NF2: variants seen among roughly 807,000 people sequenced by gnomAD.
NF2 encodes the protein NF2, moesin-ezrin-radixin like (MERLIN) tumor suppressor, also known as merlin.
A neutral mutation model predicts 83.7 loss-of-function variants in NF2; 8 were observed. That is an observed-to-expected ratio of 0.10 (90% CI 0.06 to 0.17). The LOEUF is 0.17. Ranked by LOEUF, NF2 falls within the 10% of genes least tolerant of loss-of-function variation. NF2 has a pLI of 1.00. For missense variants in NF2, 533 were observed against 744.4 expected, an observed-to-expected ratio of 0.72 and a Z score of 3.31; for synonymous variants, 266 against 269.6, an observed-to-expected ratio of 0.99 and a Z score of 0.13.
intron 4 of NF2, among the ~76,000 whole-genome samples, chr22:29,650,620 T>C (rs1306509741): frequency 6.6e-6 from 1 of 151,170 alleles, no homozygotes; most frequent in Non-Finnish European, 1.5e-5. Flanking sequence ...TCCCTTCCCT[T>C]CCCTTCTCTC....
At chr22:29,670,021 A>G (rs1324919797) in intron 10 of NF2, among the ~76,000 whole-genome samples, 1 of 151,962 alleles carries the variant, frequency 6.6e-6, no homozygotes, top group African/African-American at 2.4e-5. Flanking sequence ...TTTTTAATAA[A>G]AGGGTCTTGT....
intron 1 of NF2, among the ~76,000 whole-genome samples, chr22:29,616,520 G>A (rs545423367): frequency 3.3e-4 from 50 of 152,318 alleles, no homozygotes; most frequent in Middle Eastern, 3.4e-3. Flanking sequence ...CGAGGTGGAC[G>A]GATGACGAGG....
chr22:29,628,093 G>A (rs2065412507), intron 1 of NF2, among the ~76,000 whole-genome samples: 1 of 151,668 alleles, frequency 6.6e-6, no homozygotes, highest in Non-Finnish European at 1.5e-5. Flanking sequence ...CATTTATGGA[G>A]TATCCACAGA....
intron 4 of NF2, among the ~76,000 whole-genome samples, chr22:29,645,189 A>G (rs933167040): frequency 1.3e-5 from 2 of 152,180 alleles, no homozygotes; most frequent in African/African-American, 4.8e-5. Flanking sequence ...TAGAAGCACC[A>G]AAGTCAATTT....
chr22:29,618,441 A>T (rs1028814752), intron 1 of NF2, among the ~76,000 whole-genome samples: 12 of 149,002 alleles, frequency 8.1e-5, no homozygotes, highest in Non-Finnish European at 1.6e-4. Context: ...ATAAGTTCAG[A>T]CTTTTTTTCT....
At position 29,666,633 on chromosome 22, in the gene NF2, T is replaced by C. The variant is rs142286570; in HGVS notation, c.885+1569T>C. Among the ~76,000 whole-genome samples the C allele has an allele frequency of 1.3e-3, 197 of 151,944 alleles. 5 individuals are homozygous for C. The highest frequency in any genetic ancestry group is 9.1e-3 in the Admixed American group (139 of 15,246). On this transcript the variant is annotated intron_variant, in intron 9 of 15. Coordinates refer to ENST00000338641, the MANE Select transcript of NF2 (RefSeq NM_000268.4). ...GAGTTCGAGACCAACCTGGGCAACA[T>C]AGCAAGACCCTGTCTCCAAAAAAAT...
At position 29,698,388 on chromosome 22, in the gene NF2, G is replaced by A; in HGVS notation, c.*3586G>A. ...CTGGAGGGAGCAGCGTTGGCAGGGA[G>A]ACAGCCTGGCCCAGTGACCCTGGGC... is the stretch of plus-strand genomic sequence containing the variant. On this transcript the variant is annotated 3_prime_UTR_variant, in exon 16 of 16. Transcript: ENST00000338641. 4.5e-6 allele frequency: 1 copy of A among 220,530 alleles called. No individual in the cohort carries two copies. Among genetic ancestry groups the A allele is most frequent in the Non-Finnish European group, 9.1e-6 (1 of 110,030 alleles). The allele number at this position is 220,530 out of a possible 1,614,324, so 13.7% of individuals were successfully genotyped here. A position where few individuals can be genotyped will look rare whatever the true frequency, so the allele number is the denominator to read the frequency against.
chr22:29,673,765 G>T (rs2066880759), intron 12 of NF2, among the ~76,000 whole-genome samples: 1 of 152,246 alleles, frequency 6.6e-6, no homozygotes, highest in Admixed American at 6.5e-5. Flanking sequence ...GGCCGTGTGT[G>T]CAGGAAAACC....
In NF2 at chr22:29,634,152, G is replaced by C. The variant is rs575693558; in HGVS notation, c.115-2599G>C. On this transcript the variant is annotated intron_variant, in intron 1 of 15. Transcript: ENST00000338641. ...AAGGCCAGTGTATGCTTTGGCAGCT[G>C]GCAAAGAATCCTGTGACTCAGTTTC... is the stretch of plus-strand genomic sequence containing the variant. 2.0e-5 allele frequency among the ~76,000 whole-genome samples: 3 copies of C among 152,272 alleles called. No homozygotes were observed. In the South Asian group the frequency reaches 6.2e-4, roughly 32 times the overall value.
rs1569309668 is a variant in NF2 at position 29,678,285 on chromosome 22, T to G, written c.1536T>G (p.Thr512=). 1 of 1,614,088 alleles carries G rather than the reference T, an allele frequency of 6.2e-7. No individual in the cohort carries two copies. The change falls in exon 14 of 16, where the codon ACT becomes ACG. Residue 512 remains threonine (T), a synonymous_variant. Transcript: ENST00000338641. ...GCCTGTCTTTCGACTTCAAAGATAC[T>G]GACATGAAGCGGCTTTCCATGGAGA... ...GDSLSFDFKD[T]DMKRLSMEIE... is the part of the protein sequence containing the mutation.
intron 1 of NF2, among the ~76,000 whole-genome samples, chr22:29,613,078 A>G (rs987321402): frequency 1.3e-5 from 2 of 152,096 alleles, no homozygotes; most frequent in African/African-American, 4.8e-5. Context: ...CTTGGGCAAC[A>G]AGAGCGAAAC....
intron 11 of NF2, among the ~76,000 whole-genome samples, chr22:29,673,023 G>A (rs2066849575): frequency 6.6e-6 from 1 of 152,216 alleles, no homozygotes; most frequent in African/African-American, 2.4e-5. Flanking sequence ...TGAAGCATAA[G>A]CCTGAGCTGA....
At chr22:29,625,640 T>G (rs1601558776) in intron 1 of NF2, among the ~76,000 whole-genome samples, 1 of 152,250 alleles carries the variant, frequency 6.6e-6, no homozygotes, top group East Asian at 1.9e-4. Flanking sequence ...TAGGACATTT[T>G]TAGCGTGTCA....
At chr22:29,658,671 T>A (rs2066389610) in intron 7 of NF2, among the ~76,000 whole-genome samples, 3 of 117,610 alleles carry the variant, frequency 2.6e-5, no homozygotes, top group South Asian at 6.2e-4. Flanking sequence ...AGATCTGCCT[T>A]TATAGATTAC....
Position 29,695,608 on chromosome 22 carries a change from C to T in NF2, c.*806C>T, listed in dbSNP as rs1346776421. ...TTCCCCATTGCCCGACGCCCATAGA[C>T]GCTCCTTCCTGTGTGGGGCTGGGGT... is the stretch of plus-strand genomic sequence containing the variant. On this transcript the variant is annotated 3_prime_UTR_variant, in exon 16 of 16. Coordinates refer to ENST00000338641, the MANE Select transcript of NF2 (RefSeq NM_000268.4). This position sits in a 1 kb window ranked among gnomAD's most constrained non-coding sequence, Gnocchi z 5.4. 1.7e-5 allele frequency: 4 copies of T among 234,522 alleles called. No individual in the cohort carries two copies. Among genetic ancestry groups the T allele is most frequent in the Non-Finnish European group, 2.5e-5 (3 of 119,008 alleles). The allele number at this position is 234,522 out of a possible 1,614,324, so 14.5% of individuals were successfully genotyped here.
chr22:29,659,965 G>C (rs1004874597), intron 7 of NF2, among the ~76,000 whole-genome samples: 1 of 152,182 alleles, frequency 6.6e-6, no homozygotes, highest in Non-Finnish European at 1.5e-5. Context: ...TCACTCCTCA[G>C]TCTGATATCT....
intron 2 of NF2, among the ~76,000 whole-genome samples, chr22:29,637,690 A>AT (rs35261503): frequency 0.02 from 2,909 of 146,726 alleles, 54 homozygotes; most frequent in African/African-American, 0.054. Context: ...AAAGCTTCCT[A>AT]TTTTTTTTTT....
rs998779035 is a variant in NF2, at chr22:29,604,013, C to G, written c.15C>G (p.Ile5Met). 5 of 1,589,366 alleles carry G rather than the reference C, an allele frequency of 3.1e-6. No individual in the cohort carries two copies. Among genetic ancestry groups the G allele is most frequent in the Non-Finnish European group, 4.3e-6 (5 of 1,168,250 alleles). The change falls in exon 1 of 16, where the codon ATC becomes ATG. Residue 5 changes from isoleucine (I) to methionine (M), a missense_variant. Coordinates refer to ENST00000338641, the MANE Select transcript of NF2 (RefSeq NM_000268.4). Reference sequence around the variant, plus strand: ...AGCCCCGCGCCATGGCCGGGGCCATCGCTTCCCGCATGAGCTTCAGCTCTC... The same window carrying G: ...AGCCCCGCGCCATGGCCGGGGCCATGGCTTCCCGCATGAGCTTCAGCTCTC... MAGA[I>M]ASRMSFSSLK...
At chr22:29,631,447 A>G (rs2065509836) in intron 1 of NF2, among the ~76,000 whole-genome samples, 1 of 152,142 alleles carries the variant, frequency 6.6e-6, no homozygotes, top group Non-Finnish European at 1.5e-5. Context: ...TGATCCATTT[A>G]CCTGTCTTCC....
Sources: allele counts gnomAD v4.1 joint callset (sites outside exome capture counted in the v4.1 genomes callset), GRCh38; gene constraint gnomAD v4.1.1; non-coding constraint Gnocchi (gnomAD v3.1); transcripts MANE v1.5; gene names NCBI Gene and HGNC (gene_info 2026-07-23, HGNC 2026-07-21).